The following AVL9 variants were observed in gnomAD, a reference collection of about 807,000 sequenced individuals.
AVL9 encodes the protein late secretory pathway protein AVL9 homolog.
A neutral mutation model predicts 79.2 loss-of-function variants in AVL9; 49 were observed. The observed-to-expected ratio is 0.62, with a 90% CI of 0.49 to 0.79. AVL9 has a LOEUF of 0.79. Ranked by LOEUF, AVL9 falls within the 30% of genes least tolerant of loss-of-function variation. The pLI is 0.00. For synonymous variants in AVL9, 299 were observed against 280.6 expected, an observed-to-expected ratio of 1.07 and a Z score of -0.65; for missense variants, 682 against 776.8, an observed-to-expected ratio of 0.88 and a Z score of 1.45.
chr7:32,502,531 A>T (rs1167736493), intron 1 of AVL9, among the ~76,000 whole-genome samples: 1 of 152,108 alleles, frequency 6.6e-6, no homozygotes, highest in Non-Finnish European at 1.5e-5. Flanking sequence ...GCTAAATAGT[A>T]TTTTGTAGAA....
chr7:32,522,648 G>A (rs1194378150), intron 1 of AVL9, among the ~76,000 whole-genome samples: 1 of 152,182 alleles, frequency 6.6e-6, no homozygotes, highest in Non-Finnish European at 1.5e-5. Flanking sequence ...ATGCTGAAAT[G>A]AGTTAAGACT....
intron 1 of AVL9, chr7:32,537,833 G>A (rs905215309): frequency 3.9e-5 from 6 of 152,134 alleles, no homozygotes; most frequent in Non-Finnish European, 7.3e-5. Flanking sequence ...GGAAGTATTC[G>A]TTGGTAGAAA....
At chr7:32,496,529 G>A (rs1412062753) in intron 1 of AVL9, among the ~76,000 whole-genome samples, 1 of 152,122 alleles carries the variant, frequency 6.6e-6, no homozygotes, top group Non-Finnish European at 1.5e-5. Context: ...CATCTGAAAT[G>A]GAATATTTGC....
At chr7:32,496,164 A>G (rs1786798891) in intron 1 of AVL9, among the ~76,000 whole-genome samples, 1 of 152,250 alleles carries the variant, frequency 6.6e-6, no homozygotes, top group Non-Finnish European at 1.5e-5. Context: ...GTGTCCACCT[A>G]TAATGGGAGT....
intron 5 of AVL9, 132 bp from the exon 6 acceptor site, chr7:32,552,097 A>G: frequency 1.7e-6 from 1 of 605,904 alleles, no homozygotes; most frequent in Non-Finnish European, 3.0e-6. Context: ...GAGAGGCTTG[A>G]TTGTTTTTAA....
intron 1 of AVL9, among the ~76,000 whole-genome samples, chr7:32,498,375 A>G (rs1056463771): frequency 1.3e-5 from 2 of 151,616 alleles, no homozygotes; most frequent in African/African-American, 2.4e-5. Flanking sequence ...CAGCCTCCCA[A>G]GTAGCTGGGA....
Position 32,586,266 on chromosome 7 carries a change from C to T in AVL9, c.*2359C>T, listed in dbSNP as rs1262689329. ...AGTTTGACTCTTAGTGGTCACTTTACTGACTTTCCAACATAAAACAAGTAT... is the reference window on the plus strand; with the variant it reads ...AGTTTGACTCTTAGTGGTCACTTTATTGACTTTCCAACATAAAACAAGTAT... On this transcript the variant is annotated 3_prime_UTR_variant, in exon 16 of 16. Transcript: ENST00000318709. 1 of 152,220 alleles carries T rather than the reference C, an allele frequency of 6.6e-6. No homozygotes were observed. Among genetic ancestry groups the T allele is most frequent in the Non-Finnish European group, 1.5e-5 (1 of 68,046 alleles). The allele number at this position is 152,220 out of a possible 1,614,324, so 9.4% of individuals were successfully genotyped here. A position where few individuals can be genotyped will look rare whatever the true frequency, so the allele number is the denominator to read the frequency against.
chr7:32,498,237 A>ATTTTTTTTTTTTTTTTTTTTT (rs10547851), intron 1 of AVL9, among the ~76,000 whole-genome samples: 1 of 89,814 alleles, frequency 1.1e-5, no homozygotes. Context: ...AAGTCCTCAG[A>ATTTTTTTTTTTTTTTTTTTTT]TTTTTTTTTT....
chr7:32,521,162 C>T (rs1788130646), intron 1 of AVL9, among the ~76,000 whole-genome samples: 1 of 152,070 alleles, frequency 6.6e-6, no homozygotes, highest in Non-Finnish European at 1.5e-5. Flanking sequence ...CAGACTAATA[C>T]AGTAAACTGG....
intron 7 of AVL9, among the ~76,000 whole-genome samples, chr7:32,554,329 G>C (rs1338609261): frequency 6.6e-6 from 1 of 152,070 alleles, no homozygotes; most frequent in African/African-American, 2.4e-5. Context: ...AGCAAAAATG[G>C]TACCACCCCT....
At chr7:32,543,476 C>A (rs967483220) in intron 2 of AVL9, among the ~76,000 whole-genome samples, 10 of 152,226 alleles carry the variant, frequency 6.6e-5, no homozygotes, top group Non-Finnish European at 1.5e-4. Flanking sequence ...ACCTTGGCCA[C>A]GCTTCTGCCA....
At chr7:32,545,877 A>C (rs189268491) in intron 3 of AVL9, among the ~76,000 whole-genome samples, 1 of 152,222 alleles carries the variant, frequency 6.6e-6, no homozygotes, top group Non-Finnish European at 1.5e-5. Context: ...TCTCAGCTGC[A>C]CATTGCAATC....
At chr7:32,571,076 A>G (rs1790819398) in intron 11 of AVL9, among the ~76,000 whole-genome samples, 1 of 150,284 alleles carries the variant, frequency 6.7e-6, no homozygotes, top group Non-Finnish European at 1.5e-5. Flanking sequence ...CTAAAAATAC[A>G]AAAAAATTAG....
chr7:32,509,493 C>G (rs892929700), intron 1 of AVL9, among the ~76,000 whole-genome samples: 5 of 152,142 alleles, frequency 3.3e-5, no homozygotes, highest in African/African-American at 1.2e-4. Context: ...CTTTCTCTGT[C>G]ATCAGTCCTA....
intron 1 of AVL9, chr7:32,536,237 A>G (rs1788902219): frequency 6.6e-6 from 1 of 152,156 alleles, no homozygotes; most frequent in Non-Finnish European, 1.5e-5. Flanking sequence ...TGTAAATGAC[A>G]ATGTCTGTGG....
At chr7:32,504,900 G>T (rs933919223) in intron 1 of AVL9, among the ~76,000 whole-genome samples, 1 of 152,000 alleles carries the variant, frequency 6.6e-6, no homozygotes, top group African/African-American at 2.4e-5. Context: ...TTGAGACGGA[G>T]TCTCGCTCTG....
At chr7:32,514,473 T>C (rs1340679805) in intron 1 of AVL9, among the ~76,000 whole-genome samples, 1 of 152,246 alleles carries the variant, frequency 6.6e-6, no homozygotes, top group Non-Finnish European at 1.5e-5. Flanking sequence ...TCGCATCCCC[T>C]GTGACTTGCA....
chr7:32,548,144 C>CTCTTTTTTTTTTTTTT (rs1227025763), intron 3 of AVL9, among the ~76,000 whole-genome samples: 18 of 57,588 alleles, frequency 3.1e-4, no homozygotes, highest in African/African-American at 9.2e-4. Context: ...TTTGTCATCT[C>CTCTTTTTTTTTTTTTT]TTTTTTCTTT....
In AVL9 at chr7:32,495,602, G is replaced by C; in HGVS notation, c.-108G>C. 1 of 639,562 alleles carries C rather than the reference G, an allele frequency of 1.6e-6. No individual in the cohort carries two copies. The highest frequency in any genetic ancestry group is 2.3e-6 in the Non-Finnish European group (1 of 433,734). The allele number at this position is 639,562 out of a possible 1,614,324, so 39.6% of individuals were successfully genotyped here. A position where few individuals can be genotyped will look rare whatever the true frequency, so the allele number is the denominator to read the frequency against. The stretch of plus-strand genomic sequence containing the variant: ...CGATCTCCCTGTGCGGCCCTCATGT[G>C]CTGTGCTCGCTGACACCCGAAGTCC... On this transcript the variant is annotated 5_prime_UTR_variant, in exon 1 of 16. Coordinates refer to ENST00000318709, the MANE Select transcript of AVL9 (RefSeq NM_015060.3).
Sources: allele counts gnomAD v4.1 joint callset (sites outside exome capture counted in the v4.1 genomes callset), GRCh38; gene constraint gnomAD v4.1.1; transcripts MANE v1.5; gene names NCBI Gene and HGNC (gene_info 2026-07-23, HGNC 2026-07-21).